Variants in FER1L6 observed in about 807,000 individuals in gnomAD.
FER1L6 encodes the protein fer-1-like protein 6.
FER1L6 carries 177 observed loss-of-function variants against 219.2 expected under a neutral mutation model. The ratio of observed to expected loss-of-function variants is 0.81; its 90% CI spans 0.71 to 0.91. The LOEUF (loss-of-function observed/expected upper bound fraction) is 0.91. Among genes scored for constraint, FER1L6 ranks in the 40% least tolerant of loss-of-function variants. The probability of loss-of-function intolerance (pLI) is 0.00; values close to 1 mark genes in which losing one functional copy is unlikely to be tolerated. For missense variants in FER1L6, 2,153 were observed against 2,259.9 expected (o/e 0.95, Z 0.96); for synonymous variants, 768 against 824.3 (o/e 0.93, Z 1.17).
intron 33 of FER1L6, among the ~76,000 whole-genome samples, chr8:124,087,578 C>G (rs1310199310): frequency 6.6e-6 from 1 of 152,050 alleles, no homozygotes; most frequent in Non-Finnish European, 1.5e-5. Flanking sequence ...GTCACTGGTG[C>G]CTTATTTAGT....
Position 124,070,549 on chromosome 8 carries a change from C to T in FER1L6, c.3917C>T (p.Thr1306Met), listed in dbSNP as rs200078281. The T allele has an allele frequency of 5.3e-4, 846 of 1,609,968 alleles. 1 individual carries two copies. The highest frequency in any genetic ancestry group is 6.6e-4 in the Non-Finnish European group (778 of 1,178,638). Residue 1306 changes from threonine (T) to methionine (M), a missense_variant, in exon 30 of 41, where the codon ACG becomes ATG. Coordinates refer to ENST00000522917, the MANE Select transcript of FER1L6 (RefSeq NM_001039112.2). ...KTFELFRGKS[T>M]EDDHGLDGDR... is the part of the protein sequence containing the mutation. ...TTTGAGCTCTTCAGAGGCAAGTCTA[C>T]GGAAGATGACCATGGTCTTGATGGA...
At chr8:123,855,938 G>A (rs1424215901) in intron 1 of FER1L6, among the ~76,000 whole-genome samples, 1 of 144,928 alleles carries the variant, frequency 6.9e-6, no homozygotes, top group East Asian at 2.0e-4. Context: ...TTACTAATAT[G>A]TAACTAATGT....
Position 124,119,959 on chromosome 8 carries a change from C to A in FER1L6, c.*169C>A. ...CATTTCCTCCCTGCTCCAACCCCTG[C>A]CTCCAAGTTTCAAACTTGTAAGGCA... On this transcript the variant is annotated 3_prime_UTR_variant, in exon 41 of 41. Transcript: ENST00000522917. The A allele has an allele frequency of 1.5e-6, 1 of 649,828 alleles. No individual in the cohort carries two copies. 40.3% of individuals were successfully genotyped at this position (649,828 alleles called of 1,614,324 possible). A position where few individuals can be genotyped will look rare whatever the true frequency, so the allele number is the denominator to read the frequency against.
chr8:123,971,770 T>C (rs1400590504), intron 6 of FER1L6, among the ~76,000 whole-genome samples: 1 of 152,184 alleles, frequency 6.6e-6, no homozygotes, highest in Non-Finnish European at 1.5e-5. Flanking sequence ...GCAGATGCTA[T>C]TGGGACAGCC....
intron 1 of FER1L6, among the ~76,000 whole-genome samples, chr8:123,943,824 G>A (rs548111796): frequency 2.6e-5 from 4 of 152,168 alleles, no homozygotes; most frequent in Admixed American, 6.5e-5. Context: ...CAGACAGAGG[G>A]CAAAGGGGCT....
intron 39 of FER1L6, among the ~76,000 whole-genome samples, chr8:124,107,539 C>T (rs1822831129): frequency 6.6e-6 from 1 of 152,192 alleles, no homozygotes; most frequent in Non-Finnish European, 1.5e-5. Flanking sequence ...AGCTTATGAT[C>T]TGAGCCCCAC....
intron 22 of FER1L6, among the ~76,000 whole-genome samples, chr8:124,050,415 G>A (rs181316374): frequency 1.8e-4 from 28 of 152,274 alleles, no homozygotes; most frequent in African/African-American, 6.5e-4. Flanking sequence ...GAGAAGCTGA[G>A]TCCCTGCAGT....
At chr8:124,013,646 G>C in intron 15 of FER1L6, 115 bp downstream of exon 15, 1 of 535,526 alleles carries the variant, frequency 1.9e-6, no homozygotes, top group Non-Finnish European at 3.2e-6. Context: ...TTAGAGTGCT[G>C]TATCCATCTT....
chr8:124,041,483 G>A (rs1447639140), intron 20 of FER1L6, among the ~76,000 whole-genome samples: 2 of 152,180 alleles, frequency 1.3e-5, no homozygotes, highest in African/African-American at 4.8e-5. Context: ...GTGCCTGTCG[G>A]GTGCTGGCTT....
At chr8:124,024,498 G>A (rs530367416) in intron 18 of FER1L6, among the ~76,000 whole-genome samples, 91 of 152,094 alleles carry the variant, frequency 6.0e-4, no homozygotes, top group African/African-American at 1.9e-3. Context: ...ATAAGTAATG[G>A]CCTCCAGCTC....
chr8:124,000,293 C>T (rs1817344492), intron 12 of FER1L6, among the ~76,000 whole-genome samples: 1 of 152,188 alleles, frequency 6.6e-6, no homozygotes, highest in South Asian at 2.1e-4. Flanking sequence ...GACTGTTTTT[C>T]CTACCTTCTT....
At chr8:124,053,208 G>A (rs1022835492) in intron 22 of FER1L6, among the ~76,000 whole-genome samples, 3 of 152,188 alleles carry the variant, frequency 2.0e-5, no homozygotes, top group Non-Finnish European at 4.4e-5. Flanking sequence ...TGTGGGCTCA[G>A]CTGTCTGGGT....
intron 1 of FER1L6, among the ~76,000 whole-genome samples, chr8:123,892,419 G>A (rs2129702121): frequency 1.3e-5 from 2 of 152,204 alleles, no homozygotes; most frequent in East Asian, 3.9e-4. Context: ...AGCCCCGCAA[G>A]TAGCTGGGAT....
At chr8:123,961,118 G>A (rs1023206579) in intron 2 of FER1L6, among the ~76,000 whole-genome samples, 1 of 152,046 alleles carries the variant, frequency 6.6e-6, no homozygotes, top group Non-Finnish European at 1.5e-5. Flanking sequence ...AAAATTCACC[G>A]GTTGTGGTGG....
chr8:123,950,830 A>G (rs1463755888), intron 1 of FER1L6, among the ~76,000 whole-genome samples: 3 of 152,210 alleles, frequency 2.0e-5, no homozygotes, highest in Non-Finnish European at 4.4e-5. Flanking sequence ...CCATCCATTC[A>G]GGCCATTAGC....
chr8:123,886,473 C>G (rs997842649), intron 1 of FER1L6, among the ~76,000 whole-genome samples: 2 of 152,190 alleles, frequency 1.3e-5, no homozygotes, highest in Non-Finnish European at 2.9e-5. Context: ...GACCTACTGA[C>G]ATGTCTTGAC....
rs768718244 is a variant in FER1L6 at position 123,963,312 on chromosome 8, G to A, written c.111G>A (p.Glu37=). 1.9e-6 allele frequency: 3 copies of A among 1,613,968 alleles called. No homozygotes were observed. The highest frequency in any genetic ancestry group is 8.5e-7 in the Non-Finnish European group (1 of 1,179,926). ...SQGDTEALQE[E]PSHQEGPRGD... ...GTGACACTGAAGCACTGCAGGAGGAGCCTTCTCACCAGGAAGGACCGAGAG... is the reference window on the plus strand; with the variant it reads ...GTGACACTGAAGCACTGCAGGAGGAACCTTCTCACCAGGAAGGACCGAGAG... Residue 37 remains glutamate (E), a synonymous_variant, in exon 3 of 41, where the codon GAG becomes GAA. Coordinates refer to ENST00000522917, the MANE Select transcript of FER1L6 (RefSeq NM_001039112.2).
At chr8:124,115,352 C>G (rs1404922648) in intron 39 of FER1L6, among the ~76,000 whole-genome samples, 2 of 152,072 alleles carry the variant, frequency 1.3e-5, no homozygotes, top group Non-Finnish European at 2.9e-5. Context: ...ATACCCAGAG[C>G]AGCGGCATTT....
intron 1 of FER1L6, among the ~76,000 whole-genome samples, chr8:123,933,522 CAT>C (rs1813864416): frequency 6.6e-6 from 1 of 152,222 alleles, no homozygotes; most frequent in African/African-American, 2.4e-5. Flanking sequence ...AGCTCTTATG[CAT>C]ATGTGTGCAC....
Sources: allele counts gnomAD v4.1 joint callset (sites outside exome capture counted in the v4.1 genomes callset), GRCh38; gene constraint gnomAD v4.1.1; transcripts MANE v1.5; gene names NCBI Gene and HGNC (gene_info 2026-07-23, HGNC 2026-07-21).